The following CDKAL1 variants were observed in gnomAD, a reference collection of about 807,000 sequenced individuals.
The protein encoded by CDKAL1 is threonylcarbamoyladenosine tRNA methylthiotransferase.
CDKAL1 carries 32 observed loss-of-function variants against 68.2 expected under a neutral mutation model. That is an observed-to-expected ratio of 0.47 (90% confidence interval 0.35 to 0.63). The LOEUF is 0.63. Ranked by LOEUF, CDKAL1 falls within the 30% of genes least tolerant of loss-of-function variation. CDKAL1 has a pLI of 0.00. For synonymous variants in CDKAL1, 234 were observed against 244.3 expected, an observed-to-expected ratio of 0.96 and a Z score of 0.39; for missense variants, 606 against 696.7, an observed-to-expected ratio of 0.87 and a Z score of 1.47.
rs1296580617 is a variant in CDKAL1, at chr6:21,108,421, T to C, written c.1257T>C (p.Asp419=). The change falls in exon 13 of 16, where the codon GAT becomes GAC. Residue 419 remains aspartate, a synonymous_variant. Coordinates refer to ENST00000274695, the MANE Select transcript of CDKAL1 (RefSeq NM_017774.3). The stretch of plus-strand genomic sequence containing the variant: ...CACAGAAAAAGCAAAGGACAAAAGA[T>C]CTTTCTCGGGTGTTTCATTCTTACA... The part of the protein sequence containing the change: ...PAQVKKQRTK[D]LSRVFHSYSP... The C allele has an allele frequency of 6.2e-7, 1 of 1,606,880 alleles. No homozygotes were observed. Among genetic ancestry groups the C allele is most frequent in the Admixed American group, 1.7e-5 (1 of 58,452 alleles).
intron 10 of CDKAL1, among the ~76,000 whole-genome samples, chr6:20,968,468 T>G (rs772302659): frequency 5.3e-5 from 8 of 152,190 alleles, no homozygotes; most frequent in Admixed American, 3.3e-4. Flanking sequence ...CAATTAGTGC[T>G]GTTTTTCAAA....
intron 5 of CDKAL1, among the ~76,000 whole-genome samples, chr6:20,717,774 A>G (rs934619460): frequency 6.6e-6 from 1 of 152,214 alleles, no homozygotes; most frequent in East Asian, 1.9e-4. Context: ...CACATAGGGC[A>G]TAAGTCAGGA....
chr6:20,705,871 A>C lies in CDKAL1; in HGVS notation c.372-33648A>C, dbSNP rs7739516. Among the ~76,000 whole-genome samples, 866 of 152,198 alleles carry C rather than the reference A, an allele frequency of 5.7e-3. 13 individuals are homozygous for C. The highest frequency in any genetic ancestry group is 0.02 in the African/African-American group (814 of 41,512). ...GTTTAGGATTACTCTTCTGTTTGCT[A>C]CCTGTGTCACTTGTCCTGTGTGGTG... On this transcript the variant is annotated intron_variant, in intron 5 of 15. Coordinates refer to ENST00000274695, the MANE Select transcript of CDKAL1 (RefSeq NM_017774.3).
chr6:20,919,802 A>G lies in CDKAL1; in HGVS notation c.743-35617A>G, dbSNP rs1163885586. Among the ~76,000 whole-genome samples the G allele has an allele frequency of 1.3e-5, 2 of 152,198 alleles. 1 individual carries two copies. The highest frequency in any genetic ancestry group is 2.9e-5 in the Non-Finnish European group (2 of 68,044). On this transcript the variant is annotated intron_variant, in intron 9 of 15. Transcript: ENST00000274695. ...AACCTTACGAGAACCATCCTCCCACAATAGAACTCAGAGAACTAATCTGCT... is the reference window on the plus strand; with the variant it reads ...AACCTTACGAGAACCATCCTCCCACGATAGAACTCAGAGAACTAATCTGCT...
Position 21,065,186 on chromosome 6 carries a change from A to G in CDKAL1, c.1194A>G (p.Pro398=). 1 of 1,610,662 alleles carries G rather than the reference A, an allele frequency of 6.2e-7. No homozygotes were observed. The highest frequency in any genetic ancestry group is 1.1e-5 in the South Asian group (1 of 89,442). Residue 398 remains proline (P), a synonymous_variant, in exon 12 of 16, where the codon CCA becomes CCG. Transcript: ENST00000274695. The part of the protein sequence containing the change: ...SLFINQFYPR[P]GTPAAKMEQV... Reference sequence around the variant, plus strand: ...TTATTAACCAATTTTACCCAAGACCAGGAACTCCTGCTGCAAAAATGGAAC... The same window carrying G: ...TTATTAACCAATTTTACCCAAGACCGGGAACTCCTGCTGCAAAAATGGAAC...
At chr6:20,676,698 TA>T (rs372576234) in intron 5 of CDKAL1, among the ~76,000 whole-genome samples, 1 of 80,752 alleles carries the variant, frequency 1.2e-5, no homozygotes, top group African/African-American at 6.9e-5. Flanking sequence ...AATAAATAAA[TA>T]AATAAAATAA....
At chr6:20,940,446 A>G (rs954922428) in intron 9 of CDKAL1, among the ~76,000 whole-genome samples, 3 of 152,234 alleles carry the variant, frequency 2.0e-5, no homozygotes, top group African/African-American at 7.2e-5. Context: ...ATAATTTAAA[A>G]TGTTCTAGTA....
intron 4 of CDKAL1, among the ~76,000 whole-genome samples, chr6:20,626,693 T>C (rs1767446280): frequency 6.6e-6 from 1 of 152,238 alleles, no homozygotes; most frequent in Non-Finnish European, 1.5e-5. Context: ...TTAGCTGCTC[T>C]GTAATGGCAG....
At chr6:21,161,420 A>G (rs1582329268) in intron 13 of CDKAL1, among the ~76,000 whole-genome samples, 1 of 152,324 alleles carries the variant, frequency 6.6e-6, no homozygotes, top group East Asian at 1.9e-4. Context: ...TGTAGAAACT[A>G]CAGCTGGTGC....
intron 13 of CDKAL1, among the ~76,000 whole-genome samples, chr6:21,113,244 A>T (rs1774211271): frequency 6.6e-6 from 1 of 152,196 alleles, no homozygotes; most frequent in African/African-American, 2.4e-5. Context: ...AATTTTTAGA[A>T]ACTTTGGTAT....
chr6:21,200,911 A>G (rs1486506020), intron 14 of CDKAL1, 199 bp from the exon 15 acceptor site: 2 of 438,648 alleles, frequency 4.6e-6, no homozygotes, highest in East Asian at 3.5e-5. Flanking sequence ...TCGGTTAATA[A>G]TATTAATATA....
chr6:20,896,103 C>CTTTTTTTTTTTTT (rs777787310), intron 9 of CDKAL1, among the ~76,000 whole-genome samples: 1 of 90,148 alleles, frequency 1.1e-5, no homozygotes, highest in Admixed American at 1.4e-4. Flanking sequence ...CTTTTCTTTT[C>CTTTTTTTTTTTTT]TTTTTTTTTT....
chr6:20,920,747 C>T (rs1292089514), intron 9 of CDKAL1, among the ~76,000 whole-genome samples: 2 of 152,172 alleles, frequency 1.3e-5, no homozygotes, highest in African/African-American at 4.8e-5. Context: ...AAAATTCTTC[C>T]GGGAGCTGTG....
intron 6 of CDKAL1, among the ~76,000 whole-genome samples, chr6:20,755,547 A>G (rs753077574): frequency 5.9e-5 from 9 of 152,050 alleles, no homozygotes; most frequent in Non-Finnish European, 1.2e-4. Context: ...CTCATCTAAA[A>G]TGCATAGTTA....
chr6:20,869,275 C>A (rs886527850), intron 9 of CDKAL1, among the ~76,000 whole-genome samples: 1 of 152,180 alleles, frequency 6.6e-6, no homozygotes, highest in African/African-American at 2.4e-5. Context: ...ACATGACCAT[C>A]TGATTCTAAA....
intron 3 of CDKAL1, among the ~76,000 whole-genome samples, chr6:20,547,031 C>T (rs190526292): frequency 2.9e-4 from 44 of 150,952 alleles, no homozygotes; most frequent in East Asian, 1.9e-4. Flanking sequence ...TTTTGGATTT[C>T]GGAATATTTG....
At chr6:20,872,411 T>C (rs1440460507) in intron 9 of CDKAL1, among the ~76,000 whole-genome samples, 2 of 152,178 alleles carry the variant, frequency 1.3e-5, no homozygotes, top group Non-Finnish European at 2.9e-5. Flanking sequence ...AAGATTAATT[T>C]GGGCTTTCAA....
intron 8 of CDKAL1, among the ~76,000 whole-genome samples, chr6:20,827,906 G>A (rs529526010): frequency 1.7e-4 from 26 of 152,026 alleles, no homozygotes; most frequent in African/African-American, 6.0e-4. Flanking sequence ...ATCAAAAGAA[G>A]TTTTTGTTTG....
chr6:20,983,341 C>A (rs935901880), intron 10 of CDKAL1, among the ~76,000 whole-genome samples: 4 of 152,220 alleles, frequency 2.6e-5, no homozygotes, highest in African/African-American at 9.6e-5. Flanking sequence ...TCTGACATAA[C>A]CAAACTGAGG....
Sources: allele counts gnomAD v4.1 joint callset (sites outside exome capture counted in the v4.1 genomes callset), GRCh38; gene constraint gnomAD v4.1.1; transcripts MANE v1.5; gene names NCBI Gene and HGNC (gene_info 2026-07-23, HGNC 2026-07-21).